The following AFG2A variants were observed in gnomAD, a reference collection of about 807,000 sequenced individuals.
The protein encoded by AFG2A is ATPase family gene 2 protein homolog A.
At chr4:122,962,840 A>C in the AFG2A span, among the ~76,000 whole-genome samples, 2 of 152,336 alleles carry the variant, frequency 1.3e-5, no homozygotes, top group South Asian at 4.1e-4. Context: ...TTTCACTGCT[A>C]TACCACAGTT....
the AFG2A span, among the ~76,000 whole-genome samples, chr4:123,180,780 G>A: frequency 6.6e-6 from 1 of 151,972 alleles, no homozygotes; most frequent in African/African-American, 2.4e-5. Context: ...TTATTATCTG[G>A]TGTACCAGGA....
At chr4:122,969,209 T>C in the AFG2A span, among the ~76,000 whole-genome samples, 6,182 of 152,062 alleles carry the variant, frequency 0.041, 402 homozygotes, top group African/African-American at 0.14. Flanking sequence ...TAAGAAATCT[T>C]GGTCAAATCT....
At chr4:123,177,418 C>T in the AFG2A span, among the ~76,000 whole-genome samples, 1 of 152,060 alleles carries the variant, frequency 6.6e-6, no homozygotes, top group Non-Finnish European at 1.5e-5. Context: ...GTCTCAATCT[C>T]TTGACCTTGT....
chr4:123,181,068 T>C, the AFG2A span, among the ~76,000 whole-genome samples: 2 of 145,472 alleles, frequency 1.4e-5, no homozygotes, highest in East Asian at 4.4e-4. Context: ...CACTGCAAAC[T>C]CCGCCTCCCA....
the AFG2A span, among the ~76,000 whole-genome samples, chr4:122,997,882 C>T: frequency 6.6e-6 from 1 of 152,122 alleles, no homozygotes; most frequent in African/African-American, 2.4e-5. Context: ...ACTTTCATTT[C>T]CTAAATGACT....
chr4:123,016,950 T>A, the AFG2A span, among the ~76,000 whole-genome samples: 1 of 151,866 alleles, frequency 6.6e-6, no homozygotes, highest in Non-Finnish European at 1.5e-5. Context: ...CGAAACCCCG[T>A]CTCCACCAAA....
the AFG2A span, among the ~76,000 whole-genome samples, chr4:123,051,369 A>G: frequency 6.6e-6 from 1 of 152,048 alleles, no homozygotes; most frequent in Non-Finnish European, 1.5e-5. Context: ...AAACAAATGA[A>G]AAGAAAAATT....
the AFG2A span, among the ~76,000 whole-genome samples, chr4:123,237,915 C>T: frequency 2.6e-5 from 4 of 152,264 alleles, no homozygotes; most frequent in Admixed American, 1.3e-4. Context: ...GGATTTCCCT[C>T]TCCTAGCCAA....
At chr4:122,945,018 C>T in the AFG2A span, among the ~76,000 whole-genome samples, 3 of 152,144 alleles carry the variant, frequency 2.0e-5, no homozygotes, top group Admixed American at 6.5e-5. Flanking sequence ...GAGGAATACC[C>T]GGCCGTGTGA....
chr4:122,951,209 C>G, the AFG2A span, among the ~76,000 whole-genome samples: 3 of 152,070 alleles, frequency 2.0e-5, no homozygotes, highest in Non-Finnish European at 4.4e-5. Context: ...CCTGTGCTTC[C>G]CATTGTAGTA....
At chr4:123,120,942 T>G in the AFG2A span, among the ~76,000 whole-genome samples, 1 of 152,098 alleles carries the variant, frequency 6.6e-6, no homozygotes, top group African/African-American at 2.4e-5. Context: ...CAGGGGATAT[T>G]CCATAAAGAA....
chr4:123,017,414 A>ATTTTTTT, the AFG2A span, among the ~76,000 whole-genome samples: 4 of 74,714 alleles, frequency 5.4e-5, no homozygotes, highest in Non-Finnish European at 6.7e-5. Context: ...AGCATGGGAA[A>ATTTTTTT]TTTTTTTTTT....
the AFG2A span, among the ~76,000 whole-genome samples, chr4:123,117,084 A>G: frequency 1.3e-5 from 2 of 152,186 alleles, no homozygotes; most frequent in Admixed American, 1.3e-4. Context: ...ACACATCTGA[A>G]AAGTAAGGTA....
At chr4:123,303,432 C>A in the AFG2A span, among the ~76,000 whole-genome samples, 1 of 151,960 alleles carries the variant, frequency 6.6e-6, no homozygotes, top group Admixed American at 6.6e-5. Flanking sequence ...AAAGGTTATA[C>A]ACTGAATATA....
the AFG2A span, among the ~76,000 whole-genome samples, chr4:123,113,985 G>C: frequency 6.6e-6 from 1 of 151,898 alleles, no homozygotes; most frequent in Non-Finnish European, 1.5e-5. Context: ...TTAGCAGAGA[G>C]GGTAGCTCCT....
At chr4:122,944,960 G>A in the AFG2A span, among the ~76,000 whole-genome samples, 8,071 of 152,226 alleles carry the variant, frequency 0.053, 669 homozygotes, top group African/African-American at 0.18. Context: ...GGATTTTCCT[G>A]AACCGCGAAT....
chr4:123,207,034 A>T, the AFG2A span, among the ~76,000 whole-genome samples: 1 of 152,214 alleles, frequency 6.6e-6, no homozygotes, highest in South Asian at 2.1e-4. Flanking sequence ...AACCAAGCAT[A>T]TCCTGACAGC....
chr4:123,232,399 G>A, the AFG2A span, among the ~76,000 whole-genome samples: 2 of 152,046 alleles, frequency 1.3e-5, no homozygotes, highest in Non-Finnish European at 2.9e-5. Context: ...CAAAAGCGAA[G>A]TGTGTTAAGA....
At chr4:123,130,624 C>A in the AFG2A span, among the ~76,000 whole-genome samples, 1 of 152,128 alleles carries the variant, frequency 6.6e-6, no homozygotes, top group Non-Finnish European at 1.5e-5. Flanking sequence ...TATTATTCCG[C>A]TATATAGATG....
Sources: gnomAD v4.1 joint callset for allele counts (sites outside exome capture counted in the v4.1 genomes callset) on GRCh38, gnomAD v4.1.1 for gene constraint, MANE v1.5 for transcripts, NCBI Gene and HGNC (gene_info 2026-07-23, HGNC 2026-07-21) for gene names.